Variants in LEPROTL1 observed in about 807,000 individuals in gnomAD.
LEPROTL1 encodes the protein leptin receptor overlapping transcript like 1.
LEPROTL1 carries 6 observed loss-of-function variants against 15.4 expected under a neutral mutation model. The observed-to-expected ratio is 0.39, with a 90% CI of 0.21 to 0.77. The LOEUF (loss-of-function observed/expected upper bound fraction) is 0.77, where lower values mean the gene tolerates loss of function less well. Among genes scored for constraint, LEPROTL1 ranks in the 30% least tolerant of loss-of-function variants. LEPROTL1 has a pLI of 0.41. For synonymous variants in LEPROTL1, 56 were observed against 52.6 expected (o/e 1.06, Z -0.28); for missense variants, 128 against 158.1 (o/e 0.81, Z 1.02).
downstream of LEPROTL1, among the ~76,000 whole-genome samples, chr8:30,110,592 G>A (rs769552551): frequency 1.7e-4 from 26 of 151,930 alleles, no homozygotes; most frequent in Non-Finnish European, 2.9e-4. Context: ...AAATTAAGTC[G>A]GGTGTGGTGG....
chr8:30,106,020 A>G lies in LEPROTL1; in HGVS notation c.*158A>G, dbSNP rs1477209015. On this transcript the variant is annotated 3_prime_UTR_variant, in exon 4 of 4. Transcript: ENST00000321250. ...CTTTTATTGTAAGCATACTATTTTC[A>G]CAGAGACTTGCTGAAGGATTAAAAG... 3.3e-6 allele frequency: 4 copies of G among 1,219,220 alleles called. No homozygotes were observed. The highest frequency in any genetic ancestry group is 4.1e-6 in the Non-Finnish European group (4 of 969,638). The allele number at this position is 1,219,220 out of a possible 1,614,324, so 75.5% of individuals were successfully genotyped here. A position where few individuals can be genotyped will look rare whatever the true frequency, so the allele number is the denominator to read the frequency against.
In LEPROTL1 at chr8:30,108,263, A is replaced by G. The variant is rs1231710524; in HGVS notation, c.*2401A>G. 1.9e-5 allele frequency: 3 copies of G among 154,000 alleles called. No homozygotes were observed. The highest frequency in any genetic ancestry group is 4.3e-5 in the Non-Finnish European group (3 of 69,682). 9.5% of individuals were successfully genotyped at this position (154,000 alleles called of 1,614,324 possible). A position where few individuals can be genotyped will look rare whatever the true frequency, so the allele number is the denominator to read the frequency against. ...CAGCCCTGTAATTTTGAGCTGTAGT[A>G]AAAGGATTGGTAATCTGGGAAGTAG... On this transcript the variant is annotated 3_prime_UTR_variant, in exon 4 of 4. Coordinates refer to ENST00000321250, the MANE Select transcript of LEPROTL1 (RefSeq NM_015344.3).
At position 30,107,536 on chromosome 8, in the gene LEPROTL1, C is replaced by T. The variant is rs1231976436; in HGVS notation, c.*1674C>T. On this transcript the variant is annotated 3_prime_UTR_variant, in exon 4 of 4. Coordinates refer to ENST00000321250, the MANE Select transcript of LEPROTL1 (RefSeq NM_015344.3). ...GCTTTTTTACTAAAGATGCCTAAAG[C>T]CACAGGTTTTATTGCCTAACTTAAG... 5.1e-6 allele frequency: 5 copies of T among 985,770 alleles called. No homozygotes were observed. The African/African-American group carries it at 7.0e-5, about 14-fold the overall frequency. 61.1% of individuals were successfully genotyped at this position (985,770 alleles called of 1,614,324 possible). A position where few individuals can be genotyped will look rare whatever the true frequency, so the allele number is the denominator to read the frequency against.
chr8:30,134,429 CAAAACAAAAAAA>C (rs897296585), intron 4 of LEPROTL1, among the ~76,000 whole-genome samples: 12 of 144,858 alleles, frequency 8.3e-5, no homozygotes, highest in African/African-American at 1.8e-4. Context: ...CTCAAAAAAA[CAAAACAAAAAAA>C]AAAACAAAAA....
chr8:30,121,418 A>G (rs1802828763), intron 3 of LEPROTL1, among the ~76,000 whole-genome samples: 1 of 151,764 alleles, frequency 6.6e-6, no homozygotes, highest in Non-Finnish European at 1.5e-5. Flanking sequence ...ACGCCAGGCT[A>G]ATTTTTTGTA....
intron 1 of LEPROTL1, chr8:30,096,551 A>G (rs1366815377): frequency 9.3e-6 from 2 of 215,220 alleles, no homozygotes; most frequent in Admixed American, 6.5e-5. Flanking sequence ...TTCATTTCCC[A>G]TATAAAACCT....
At chr8:30,116,566 C>T (rs960068585) in intron 3 of LEPROTL1, among the ~76,000 whole-genome samples, 2 of 152,080 alleles carry the variant, frequency 1.3e-5, no homozygotes, top group Admixed American at 1.3e-4. Flanking sequence ...CGCTCACCAG[C>T]TGCTTACCTC....
chr8:30,132,859 G>T, intron 4 of LEPROTL1: 4 of 1,549,526 alleles, frequency 2.6e-6, no homozygotes, highest in Non-Finnish European at 3.5e-6. Flanking sequence ...AGAGAGGGAC[G>T]TGACCCTCTG....
At chr8:30,097,215 G>T (rs1802380153) in intron 1 of LEPROTL1, among the ~76,000 whole-genome samples, 1 of 152,160 alleles carries the variant, frequency 6.6e-6, no homozygotes, top group African/African-American at 2.4e-5. Context: ...AAATGATGAA[G>T]TGTATATATA....
intron 1 of LEPROTL1, among the ~76,000 whole-genome samples, chr8:30,100,536 G>A (rs1179207556): frequency 1.3e-5 from 2 of 152,068 alleles, no homozygotes; most frequent in Admixed American, 6.6e-5. Context: ...TGCAACCTAC[G>A]CCTCCCGGGT....
At chr8:30,099,841 G>A (rs1802434667) in intron 1 of LEPROTL1, among the ~76,000 whole-genome samples, 1 of 152,130 alleles carries the variant, frequency 6.6e-6, no homozygotes, top group Non-Finnish European at 1.5e-5. Flanking sequence ...GAGTGAGCAA[G>A]TCTGCTGATT....
intron 3 of LEPROTL1, among the ~76,000 whole-genome samples, chr8:30,118,120 G>A (rs532282801): frequency 6.7e-6 from 1 of 148,456 alleles, no homozygotes; most frequent in African/African-American, 2.5e-5. Context: ...TGCCTCCTGG[G>A]TTCAAGGGAT....
intron 3 of LEPROTL1, among the ~76,000 whole-genome samples, chr8:30,114,876 A>T (rs1365180260): frequency 6.6e-6 from 1 of 152,126 alleles, no homozygotes; most frequent in Non-Finnish European, 1.5e-5. Flanking sequence ...TGGCTGTTAG[A>T]TCTGCCTGGG....
intron 3 of LEPROTL1, among the ~76,000 whole-genome samples, chr8:30,115,459 T>C (rs986377617): frequency 3.5e-4 from 53 of 150,462 alleles, no homozygotes; most frequent in African/African-American, 1.2e-3. Flanking sequence ...GCACCCTTGA[T>C]CTCCCTGGGC....
At chr8:30,103,711 C>T (rs1281489900) in intron 2 of LEPROTL1, among the ~76,000 whole-genome samples, 1 of 149,224 alleles carries the variant, frequency 6.7e-6, no homozygotes, top group African/African-American at 2.5e-5. Context: ...CACTGCACTC[C>T]AGCCTGGGCA....
At chr8:30,112,682 G>A (rs2117499636), downstream of LEPROTL1, among the ~76,000 whole-genome samples, 1 of 152,006 alleles carries the variant, frequency 6.6e-6, no homozygotes, top group East Asian at 1.9e-4. Flanking sequence ...TGCTAGTGGT[G>A]TAACCTTAGC....
downstream of LEPROTL1, among the ~76,000 whole-genome samples, chr8:30,112,471 G>A (rs1802670039): frequency 3.9e-5 from 5 of 127,702 alleles, no homozygotes; most frequent in Admixed American, 5.2e-4. Flanking sequence ...TGTTGGCCAG[G>A]CTGGTCTCAA....
intron 3 of LEPROTL1, among the ~76,000 whole-genome samples, chr8:30,114,272 T>A (rs1468644970): frequency 7.9e-6 from 1 of 126,780 alleles, no homozygotes; most frequent in Non-Finnish European, 1.7e-5. Context: ...TCTTACATGA[T>A]ATTTTTTTGT....
chr8:30,100,744 C>A (rs563513356), intron 1 of LEPROTL1, among the ~76,000 whole-genome samples: 1 of 152,346 alleles, frequency 6.6e-6, no homozygotes, highest in African/African-American at 2.4e-5. Context: ...CCACTGCACT[C>A]GGCTATCATT....
Sources: gnomAD v4.1 joint callset for allele counts (sites outside exome capture counted in the v4.1 genomes callset) on GRCh38, gnomAD v4.1.1 for gene constraint, MANE v1.5 for transcripts, NCBI Gene and HGNC (gene_info 2026-07-23, HGNC 2026-07-21) for gene names.